The following MCUB variants were observed in gnomAD, a reference collection of about 807,000 sequenced individuals.
The protein encoded by MCUB is mitochondrial calcium uniporter dominant negative subunit beta, also known as calcium uniporter regulatory subunit MCUb, mitochondrial.
Under a neutral mutation model 41.4 loss-of-function variants are expected in MCUB, and 46 were observed. The observed-to-expected ratio is 1.11, with a 90% CI of 0.88 to 1.42. MCUB has a LOEUF of 1.42. Among genes scored for constraint, MCUB ranks in the 40% most tolerant of loss-of-function variants. The pLI, the probability that MCUB is intolerant of heterozygous loss-of-function variation, is 0.00. For missense variants in MCUB, 403 were observed against 404.9 expected (o/e 1.00, Z 0.04); for synonymous variants, 148 against 148.2 (o/e 1.00, Z 0.01).
intron 1 of MCUB, among the ~76,000 whole-genome samples, chr4:109,602,267 G>A (rs1727761823): frequency 1.3e-5 from 2 of 152,122 alleles, no homozygotes. Flanking sequence ...TGTGCTTGTG[G>A]GATATTACTC....
chr4:109,580,127 G>A (rs1179619935), intron 1 of MCUB, among the ~76,000 whole-genome samples: 1 of 152,190 alleles, frequency 6.6e-6, no homozygotes, highest in Non-Finnish European at 1.5e-5. Flanking sequence ...AGAACATGCG[G>A]TGTTTGGTTT....
rs1208574127 is a variant in MCUB at position 109,688,205 on chromosome 4, CA to C, written c.*614del. On this transcript the variant is annotated 3_prime_UTR_variant, in exon 8 of 8. Coordinates refer to ENST00000394650, the MANE Select transcript of MCUB (RefSeq NM_017918.5). ...CAAGTTTCAGGTATCGAAGCCAAAA[CA>C]GTTAACTTTCTTCAGCCTCTGGCAG... 1 of 152,198 alleles carries C rather than the reference CA, an allele frequency of 6.6e-6. No homozygotes were observed. Among genetic ancestry groups the C allele is most frequent in the Non-Finnish European group, 1.5e-5 (1 of 68,064 alleles). 9.4% of individuals were successfully genotyped at this position (152,198 alleles called of 1,614,324 possible).
At chr4:109,578,210 A>G (rs1452720117) in intron 1 of MCUB, among the ~76,000 whole-genome samples, 3 of 152,184 alleles carry the variant, frequency 2.0e-5, no homozygotes, top group Non-Finnish European at 4.4e-5. Context: ...CAGTATCTTA[A>G]ATTTTAAAGT....
chr4:109,596,973 G>A (rs1727571373), intron 1 of MCUB, among the ~76,000 whole-genome samples: 1 of 151,894 alleles, frequency 6.6e-6, no homozygotes, highest in Non-Finnish European at 1.5e-5. Flanking sequence ...GTTTAACAAA[G>A]CACATCTTGC....
intron 5 of MCUB, among the ~76,000 whole-genome samples, chr4:109,684,200 C>CTCAGA (rs2126152810): frequency 6.6e-6 from 1 of 151,888 alleles, no homozygotes; most frequent in East Asian, 1.9e-4. Flanking sequence ...GTATCTGGGA[C>CTCAGA]TACAGGCGCC....
intron 4 of MCUB, among the ~76,000 whole-genome samples, chr4:109,679,228 T>C (rs1310452079): frequency 6.6e-6 from 1 of 151,994 alleles, no homozygotes; most frequent in Non-Finnish European, 1.5e-5. Context: ...GAGACACTCC[T>C]TACTTCCTAG....
At chr4:109,664,118 A>G (rs986294396) in intron 3 of MCUB, among the ~76,000 whole-genome samples, 172 bp from the exon 4 acceptor site, 4 of 152,230 alleles carry the variant, frequency 2.6e-5, no homozygotes, top group African/African-American at 9.6e-5. Context: ...AGAGCAATAG[A>G]GGAGGATTCC....
intron 1 of MCUB, among the ~76,000 whole-genome samples, chr4:109,570,044 C>T (rs1303010415): frequency 6.6e-6 from 1 of 152,166 alleles, no homozygotes; most frequent in Non-Finnish European, 1.5e-5. Context: ...CTGCCACTCA[C>T]CCATACTATT....
At chr4:109,598,419 C>A (rs957276185) in intron 1 of MCUB, among the ~76,000 whole-genome samples, 1 of 152,152 alleles carries the variant, frequency 6.6e-6, no homozygotes, top group African/African-American at 2.4e-5. Context: ...ACAGCGAAAC[C>A]CCGTCTCCAC....
rs187133999 is a variant in MCUB at position 109,679,153 on chromosome 4, C to T, written c.452-3429C>T. The stretch of plus-strand genomic sequence containing the variant: ...GGGATGGCCGGGCAGAGGTGCTCCT[C>T]ACTTCCCAGACGGGGCAGCTGGGCA... On this transcript the variant is annotated intron_variant, in intron 4 of 7. Transcript: ENST00000394650. 3.7e-3 allele frequency among the ~76,000 whole-genome samples: 556 copies of T among 151,576 alleles called. 4 individuals are homozygous for T. Among genetic ancestry groups the T allele is most frequent in the Non-Finnish European group, 7.0e-3 (473 of 67,884 alleles).
At chr4:109,669,667 CT>C (rs1351612093) in intron 4 of MCUB, among the ~76,000 whole-genome samples, 4 of 150,194 alleles carry the variant, frequency 2.7e-5, no homozygotes, top group Non-Finnish European at 4.4e-5. Flanking sequence ...CATTTTGTGG[CT>C]GTCCTAAAGT....
intron 4 of MCUB, among the ~76,000 whole-genome samples, chr4:109,668,148 A>G (rs1026465817): frequency 1.5e-4 from 23 of 152,122 alleles, no homozygotes; most frequent in Admixed American, 1.3e-4. Context: ...CGTTTATCTC[A>G]GTTGATTGGT....
intron 1 of MCUB, among the ~76,000 whole-genome samples, chr4:109,611,438 C>T (rs572035416): frequency 6.6e-6 from 1 of 152,212 alleles, no homozygotes; most frequent in African/African-American, 2.4e-5. Flanking sequence ...AGCAAATTCT[C>T]TAGCTTTATG....
chr4:109,682,666 A>G lies in MCUB; in HGVS notation c.536A>G (p.Glu179Gly), dbSNP rs1280799077. 1 of 1,613,214 alleles carries G rather than the reference A, an allele frequency of 6.2e-7. No homozygotes were observed. Among genetic ancestry groups the G allele is most frequent in the South Asian group, 1.1e-5 (1 of 91,066 alleles). ...CTATTTACAATCTTGCATTTAGAAG[A>G]GTCTCAGAAAAAGAGAGAGCACCAT... Reference protein sequence around the residue: ...HRLFTILHLEESQKKREHHLL... With the variant: ...HRLFTILHLEGSQKKREHHLL... Residue 179 changes from glutamate (E) to glycine (G), a missense_variant, in exon 5 of 8, where the codon GAG (glutamate) becomes GGG (glycine). Transcript: ENST00000394650.
chr4:109,608,089 C>G (rs1048787392), intron 1 of MCUB, among the ~76,000 whole-genome samples: 1 of 152,016 alleles, frequency 6.6e-6, no homozygotes, highest in East Asian at 1.9e-4. Flanking sequence ...ATTCTCTTTT[C>G]TCTTATCTCC....
chr4:109,563,927 A>T lies in MCUB; in HGVS notation c.99+3491A>T, dbSNP rs185080874. On this transcript the variant is annotated intron_variant, in intron 1 of 7. Transcript: ENST00000394650. ...AAAAATAAAAGTAAAGGAAAAAGCC[A>T]GACCTAATAATCTACTCAATCTAGT... Among the ~76,000 whole-genome samples the T allele has an allele frequency of 2.0e-5, 3 of 152,212 alleles. No individual in the cohort carries two copies. The East Asian group carries it at 5.8e-4, about 29-fold the overall frequency.
Position 109,685,273 on chromosome 4 carries a change from A to C in MCUB, c.839A>C (p.Lys280Thr). ...TRQDYTYSAV[K>T]SRQFLQFFHK... ...AAGGATTATACTTACTCAGCTGTTAAGAGTAGGCAATTTCTTCAGTTCTTC... is the reference window on the plus strand; with the variant it reads ...AAGGATTATACTTACTCAGCTGTTACGAGTAGGCAATTTCTTCAGTTCTTC... Residue 280 changes from lysine (K) to threonine (T), a missense_variant, in exon 7 of 8, where the codon AAG (lysine) becomes ACG (threonine). Physicochemically the swap from Lys to Thr is moderately conservative, Grantham distance 78 (BLOSUM62 -1). Transcript: ENST00000394650. 1 of 1,505,982 alleles carries C rather than the reference A, an allele frequency of 6.6e-7. No individual in the cohort carries two copies. Among genetic ancestry groups the C allele is most frequent in the East Asian group, 2.3e-5 (1 of 44,322 alleles). 93.3% of individuals were successfully genotyped at this position (1,505,982 alleles called of 1,614,324 possible). A position where few individuals can be genotyped will look rare whatever the true frequency, so the allele number is the denominator to read the frequency against.
intron 1 of MCUB, among the ~76,000 whole-genome samples, chr4:109,602,630 C>T (rs936297880): frequency 2.6e-5 from 4 of 152,198 alleles, no homozygotes; most frequent in African/African-American, 7.2e-5. Context: ...AATTTGAACT[C>T]AGGTAATGTG....
Position 109,612,792 on chromosome 4 carries a change from C to T in MCUB, c.100-46219C>T, listed in dbSNP as rs563441376. ...CAGGCTTGACAAATACATAAATTTC[C>T]TTCCTGAAATCCTAATAAGAATACA... On this transcript the variant is annotated intron_variant, in intron 1 of 7. Transcript: ENST00000394650. 5.9e-5 allele frequency among the ~76,000 whole-genome samples: 9 copies of T among 152,244 alleles called. No homozygotes were observed. The East Asian group carries it at 1.7e-3, about 29-fold the overall frequency.
Sources: allele counts gnomAD v4.1 joint callset (sites outside exome capture counted in the v4.1 genomes callset), GRCh38; gene constraint gnomAD v4.1.1; transcripts MANE v1.5; gene names NCBI Gene and HGNC (gene_info 2026-07-23, HGNC 2026-07-21).